SLCO1C1: variants seen among roughly 807,000 people sequenced by gnomAD.
SLCO1C1 encodes the protein OAT-RP-5.
SLCO1C1 carries 70 observed loss-of-function variants against 76.4 expected under a neutral mutation model. The observed-to-expected ratio is 0.92, with a 90% confidence interval of 0.76 to 1.12. The LOEUF (loss-of-function observed/expected upper bound fraction) is 1.12. Ranked by LOEUF, SLCO1C1 falls within the 50% of genes most tolerant of loss-of-function variation. SLCO1C1 has a pLI of 0.00. For synonymous variants in SLCO1C1, 306 were observed against 286.1 expected (o/e 1.07, Z -0.70); for missense variants, 912 against 823.8 (o/e 1.11, Z -1.31).
intron 10 of SLCO1C1, among the ~76,000 whole-genome samples, chr12:20,735,827 T>C (rs1423520595): frequency 2.0e-5 from 3 of 152,296 alleles, no homozygotes; most frequent in African/African-American, 7.2e-5. Context: ...CATTTTTTAA[T>C]TGACTAACTT....
intron 14 of SLCO1C1, 132 bp downstream of exon 14, chr12:20,750,924 A>T (rs543046117): frequency 6.5e-7 from 1 of 1,527,866 alleles, no homozygotes; most frequent in Non-Finnish European, 9.0e-7. Context: ...AAAAAGTGTG[A>T]TCTGTAGTCA....
intron 7 of SLCO1C1, among the ~76,000 whole-genome samples, chr12:20,718,250 AT>A (rs1325117571): frequency 5.3e-5 from 8 of 152,170 alleles, no homozygotes; most frequent in African/African-American, 1.9e-4. Flanking sequence ...TAGTATAAGC[AT>A]TTTACCCAGT....
chr12:20,732,985 G>A lies in SLCO1C1; in HGVS notation c.1263G>A (p.Val421=), dbSNP rs371819434. 1.2e-6 allele frequency: 2 copies of A among 1,613,966 alleles called. No individual in the cohort carries two copies. The highest frequency in any genetic ancestry group is 2.2e-5 in the East Asian group (1 of 44,850). Residue 421 remains valine (V), a synonymous_variant, in exon 10 of 15, where the codon GTG becomes GTA. Coordinates refer to ENST00000266509, the MANE Select transcript of SLCO1C1 (RefSeq NM_017435.5). ...TTATGAAAAAATTCAGAATCAGTGT[G>A]TGTGGAGCTGCAAAACTCTACTTGG... ...GIVMKKFRIS[V]CGAAKLYLGS... is the part of the protein sequence containing the mutation.
intron 3 of SLCO1C1, among the ~76,000 whole-genome samples, chr12:20,705,478 AAGTAC>A (rs1946727729): frequency 1.3e-5 from 2 of 151,980 alleles, no homozygotes; most frequent in South Asian, 4.1e-4. Flanking sequence ...ATTTCATTTA[AAGTAC>A]AGTTGTGTTT....
At chr12:20,738,610 T>C (rs1948660986) in intron 11 of SLCO1C1, among the ~76,000 whole-genome samples, 1 of 152,236 alleles carries the variant, frequency 6.6e-6, no homozygotes, top group African/African-American at 2.4e-5. Flanking sequence ...GCTTCTCTTT[T>C]TTTCTTTTCT....
intron 4 of SLCO1C1, among the ~76,000 whole-genome samples, chr12:20,708,721 C>T (rs1003477675): frequency 3.9e-5 from 6 of 152,016 alleles, no homozygotes; most frequent in Admixed American, 2.0e-4. Flanking sequence ...ATGCAATGAC[C>T]ACGGAGAAAG....
intron 7 of SLCO1C1, 119 bp from the exon 8 acceptor site, chr12:20,721,685 A>T: frequency 1.6e-6 from 2 of 1,245,440 alleles, no homozygotes; most frequent in Non-Finnish European, 1.1e-6. Context: ...AATAGCATAG[A>T]TGAATTATTA....
At chr12:20,735,951 A>AT (rs1948517034) in intron 10 of SLCO1C1, among the ~76,000 whole-genome samples, 1 of 152,140 alleles carries the variant, frequency 6.6e-6, no homozygotes, top group African/African-American at 2.4e-5. Flanking sequence ...AGTTCAGTGT[A>AT]TTTTTTGTTT....
At chr12:20,715,577 T>C (rs1408530121) in intron 6 of SLCO1C1, among the ~76,000 whole-genome samples, 1 of 152,204 alleles carries the variant, frequency 6.6e-6, no homozygotes, top group Non-Finnish European at 1.5e-5. Flanking sequence ...TCAGATTTCA[T>C]AGGTTCTTTT....
intron 9 of SLCO1C1, among the ~76,000 whole-genome samples, chr12:20,728,235 T>C (rs576622050): frequency 5.2e-4 from 79 of 151,332 alleles, no homozygotes; most frequent in African/African-American, 1.8e-3. Flanking sequence ...TGCATATGAC[T>C]AGCCAGTTAC....
intron 6 of SLCO1C1, among the ~76,000 whole-genome samples, chr12:20,715,954 T>G (rs1228505174): frequency 6.6e-6 from 1 of 152,208 alleles, no homozygotes; most frequent in Non-Finnish European, 1.5e-5. Flanking sequence ...GTCTTAATAT[T>G]AAGCTAGAAA....
At chr12:20,727,531 C>A (rs1219521459) in intron 9 of SLCO1C1, among the ~76,000 whole-genome samples, 1 of 151,880 alleles carries the variant, frequency 6.6e-6, no homozygotes, top group African/African-American at 2.4e-5. Context: ...TGTTTTTGAG[C>A]CAGAGTCTCG....
intron 10 of SLCO1C1, among the ~76,000 whole-genome samples, chr12:20,735,211 A>G (rs1224945794): frequency 2.0e-5 from 3 of 152,194 alleles, no homozygotes; most frequent in African/African-American, 7.2e-5. Context: ...CTGAATATTC[A>G]ATAGGAAAAC....
chr12:20,707,095 C>T (rs2120646738), intron 4 of SLCO1C1, among the ~76,000 whole-genome samples: 1 of 152,108 alleles, frequency 6.6e-6, no homozygotes, highest in African/African-American at 2.4e-5. Context: ...GCTCAGAATT[C>T]TCTGAGTGGG....
At chr12:20,699,871 T>G in intron 2 of SLCO1C1, 166 bp downstream of exon 2, 2 of 651,054 alleles carry the variant, frequency 3.1e-6, no homozygotes, top group Non-Finnish European at 4.7e-6. Flanking sequence ...AAGCAATCTC[T>G]ACCTGACCAT....
Position 20,699,686 on chromosome 12 carries a change from C to G in SLCO1C1, c.110C>G (p.Pro37Arg), listed in dbSNP as rs1946426914. The change falls in exon 2 of 15, where the codon CCA becomes CGA. Residue 37 changes from proline (P) to arginine (R), a missense_variant. Coordinates refer to ENST00000266509, the MANE Select transcript of SLCO1C1 (RefSeq NM_017435.5). ...TATCCCTCCTCAGAAGAAAAGCAACCATGCTGTGGTGAACTAAAGGTAGAG... is the reference window on the plus strand; with the variant it reads ...TATCCCTCCTCAGAAGAAAAGCAACGATGCTGTGGTGAACTAAAGGTAGAG... The part of the protein sequence containing the change: ...TEYPSSEEKQ[P>R]CCGELKVFLC... The G allele has an allele frequency of 6.2e-7, 1 of 1,611,172 alleles. No individual in the cohort carries two copies. The highest frequency in any genetic ancestry group is 1.3e-5 in the African/African-American group (1 of 74,662).
At chr12:20,740,414 C>T in intron 12 of SLCO1C1, 46 bp downstream of exon 12, 1 of 1,530,366 alleles carries the variant, frequency 6.5e-7, no homozygotes. Flanking sequence ...AAGACACAAT[C>T]ATCTCGAGCA....
chr12:20,710,956 C>G (rs777634471), intron 4 of SLCO1C1, among the ~76,000 whole-genome samples: 5 of 151,950 alleles, frequency 3.3e-5, no homozygotes, highest in Admixed American at 6.6e-5. Flanking sequence ...ATTGACTGGC[C>G]CAGGTACGTG....
intron 1 of SLCO1C1, chr12:20,697,505 G>A (rs1946322665): frequency 6.6e-6 from 1 of 151,992 alleles, no homozygotes; most frequent in Non-Finnish European, 1.5e-5. Flanking sequence ...TTCTAGAAAA[G>A]TAGTCCTAGT....
Sources: allele counts gnomAD v4.1 joint callset (sites outside exome capture counted in the v4.1 genomes callset), GRCh38; gene constraint gnomAD v4.1.1; transcripts MANE v1.5; gene names NCBI Gene and HGNC (gene_info 2026-07-23, HGNC 2026-07-21).